Variants in ARHGAP32 observed in about 807,000 individuals in gnomAD.
ARHGAP32 encodes Rho GTPase activating protein 32.
Under a neutral mutation model 186.5 loss-of-function variants are expected in ARHGAP32, and 51 were observed. The ratio of observed to expected loss-of-function variants is 0.27; its 90% CI spans 0.22 to 0.35. ARHGAP32 has a LOEUF of 0.35. ARHGAP32 is among the 10% of genes least tolerant of loss of function. The pLI is 1.00. For missense variants in ARHGAP32, 2,186 were observed against 2,623.5 expected (o/e 0.83, Z 3.64); for synonymous variants, 950 against 964.3 (o/e 0.99, Z 0.27).
intron 18 of ARHGAP32, among the ~76,000 whole-genome samples, chr11:128,979,145 T>G (rs1326254902): frequency 6.6e-6 from 1 of 152,162 alleles, no homozygotes; most frequent in Non-Finnish European, 1.5e-5. Flanking sequence ...ACAAAGATCA[T>G]TTTTATATAT....
At position 129,078,797 on chromosome 11, in the gene ARHGAP32, G is replaced by C. The variant is rs923659337; in HGVS notation, c.532-11929C>G. ...CGTGAGCCACCGTACCCGGCCAGAAGGTTGATTACTAAGCTTCTTAAGGAG... is the reference window on the plus strand; with the variant it reads ...CGTGAGCCACCGTACCCGGCCAGAACGTTGATTACTAAGCTTCTTAAGGAG... On this transcript the variant is annotated intron_variant, in intron 6 of 22. Coordinates refer to ENST00000682385, the MANE Select transcript of ARHGAP32 (RefSeq NM_001378024.1). Among the ~76,000 whole-genome samples the C allele has an allele frequency of 4.7e-4, 71 of 152,062 alleles. 1 individual carries two copies. Among genetic ancestry groups the C allele is most frequent in the Non-Finnish European group, 1.5e-5 (1 of 68,002 alleles).
chr11:129,245,041 C>T lies in ARHGAP32; in HGVS notation c.-5+34105G>A, dbSNP rs1381156062. On this transcript the variant is annotated intron_variant, in intron 1 of 6. Transcript: ENST00000525234. ...TCAACCATTGTGGAAGTCAGTGTGG[C>T]GATTCCTCAGGGATCTAGAACTGGA... Among the ~76,000 whole-genome samples, 16 of 151,858 alleles carry T rather than the reference C, an allele frequency of 1.1e-4. No individual in the cohort carries two copies. In the South Asian group the frequency reaches 1.2e-3, roughly 12 times the overall value.
At chr11:129,276,983 C>T (rs1328850821) in intron 1 of ARHGAP32, among the ~76,000 whole-genome samples, 1 of 152,260 alleles carries the variant, frequency 6.6e-6, no homozygotes, top group African/African-American at 2.4e-5. Flanking sequence ...GGGTTAAATC[C>T]GAAAAATTCT....
chr11:129,099,711 T>C (rs1359822421), intron 5 of ARHGAP32, among the ~76,000 whole-genome samples: 1 of 151,424 alleles, frequency 6.6e-6, no homozygotes, highest in Non-Finnish European at 1.5e-5. Flanking sequence ...TAGTATATGA[T>C]AATAGAAGGT....
chr11:129,184,612 A>C (rs891237791), intron 1 of ARHGAP32, among the ~76,000 whole-genome samples: 2 of 152,040 alleles, frequency 1.3e-5, no homozygotes, highest in African/African-American at 4.8e-5. Flanking sequence ...AGGGGACTTA[A>C]TAGAGGCAAA....
At chr11:129,070,040 A>C (rs770987031) in intron 6 of ARHGAP32, among the ~76,000 whole-genome samples, 3 of 152,048 alleles carry the variant, frequency 2.0e-5, no homozygotes, top group Non-Finnish European at 2.9e-5. Flanking sequence ...CTAGAGCTAC[A>C]TAAGTGTGAA....
intron 1 of ARHGAP32, among the ~76,000 whole-genome samples, chr11:129,276,345 G>C (rs1282080722): frequency 6.6e-6 from 1 of 152,136 alleles, no homozygotes; most frequent in Non-Finnish European, 1.5e-5. Context: ...CTGTTGACCA[G>C]GCTCAAGGGC....
At chr11:129,177,892 C>A (rs180685820) in intron 1 of ARHGAP32, among the ~76,000 whole-genome samples, 140 of 152,286 alleles carry the variant, frequency 9.2e-4, no homozygotes, top group Middle Eastern at 3.4e-3. Context: ...CAGGGATGCC[C>A]TCTCTCACCA....
chr11:129,155,592 A>T (rs1943383720), intron 2 of ARHGAP32, among the ~76,000 whole-genome samples: 1 of 152,184 alleles, frequency 6.6e-6, no homozygotes, highest in Non-Finnish European at 1.5e-5. Context: ...ACAAGATTGC[A>T]ACCTAAGTAC....
In ARHGAP32 at chr11:128,973,179, C is replaced by T; in HGVS notation, c.3327G>A (p.Lys1109=). The change falls in exon 22 of 23, where the codon AAG becomes AAA. Residue 1109 remains lysine (K), a synonymous_variant. Coordinates refer to ENST00000682385, the MANE Select transcript of ARHGAP32 (RefSeq NM_001378024.1). ...SSSYSAVALD[K]AYFQTDRPAE... is the part of the protein sequence containing the mutation. ...CTGGTCGATCGGTTTGGAAATAGGC[C>T]TTATCTAGAGCAACTGCAGAGTAAG... 6.2e-7 allele frequency: 1 copy of T among 1,614,114 alleles called. No homozygotes were observed. The highest frequency in any genetic ancestry group is 8.5e-7 in the Non-Finnish European group (1 of 1,180,028).
chr11:129,114,914 A>C (rs1467226356), intron 5 of ARHGAP32, among the ~76,000 whole-genome samples: 1 of 152,148 alleles, frequency 6.6e-6, no homozygotes, highest in Non-Finnish European at 1.5e-5. Flanking sequence ...TTCTTTCTCC[A>C]TATGGAGAAT....
At chr11:129,070,221 G>C (rs1429379379) in intron 6 of ARHGAP32, among the ~76,000 whole-genome samples, 1 of 152,024 alleles carries the variant, frequency 6.6e-6, no homozygotes, top group African/African-American at 2.4e-5. Context: ...AACTGGGGTT[G>C]TCAGAAGAGT....
At chr11:129,070,687 T>C (rs990358863) in intron 6 of ARHGAP32, among the ~76,000 whole-genome samples, 2 of 152,066 alleles carry the variant, frequency 1.3e-5, no homozygotes, top group African/African-American at 4.8e-5. Context: ...ATAGCTTTTC[T>C]GTGAGTCTAA....
At chr11:129,138,538 C>A (rs1211894639) in intron 2 of ARHGAP32, among the ~76,000 whole-genome samples, 1 of 152,014 alleles carries the variant, frequency 6.6e-6, no homozygotes, top group Non-Finnish European at 1.5e-5. Context: ...CTGTACAGAC[C>A]CTTTAAAGAA....
At chr11:129,227,680 G>T (rs1277393573) in intron 1 of ARHGAP32, among the ~76,000 whole-genome samples, 1 of 152,040 alleles carries the variant, frequency 6.6e-6, no homozygotes, top group East Asian at 1.9e-4. Flanking sequence ...AGAGACAAGG[G>T]ATACTTTAGA....
intron 1 of ARHGAP32, among the ~76,000 whole-genome samples, chr11:129,241,978 T>C (rs1565478119): frequency 6.6e-6 from 1 of 152,212 alleles, no homozygotes; most frequent in Non-Finnish European, 1.5e-5. Context: ...AAAAACATTG[T>C]TTCTATAGAG....
intron 6 of ARHGAP32, among the ~76,000 whole-genome samples, chr11:129,086,820 CAAAAA>C (rs150471534): frequency 6.4e-5 from 5 of 78,036 alleles, no homozygotes; most frequent in Non-Finnish European, 5.1e-5. Flanking sequence ...GACTCCATCT[CAAAAA>C]AAAAAAAAAA....
intron 6 of ARHGAP32, among the ~76,000 whole-genome samples, chr11:129,081,239 G>A (rs1275293828): frequency 6.6e-6 from 1 of 151,860 alleles, no homozygotes; most frequent in African/African-American, 2.4e-5. Context: ...AGAGAAAGAG[G>A]GAATCTTCCC....
rs369790310 is a variant in ARHGAP32 at position 128,985,831 on chromosome 11, CGTGTGT to C, written c.1526+166_1526+171del. 3.0e-3 allele frequency: 352 copies of C among 115,576 alleles called. 4 individuals carry two copies. Among genetic ancestry groups the C allele is most frequent in the African/African-American group, 8.1e-3 (219 of 27,016 alleles). 7.2% of individuals were successfully genotyped at this position (115,576 alleles called of 1,614,324 possible). A position where few individuals can be genotyped will look rare whatever the true frequency, so the allele number is the denominator to read the frequency against. On this transcript the variant is annotated intron_variant, in intron 15 of 22. Transcript: ENST00000682385. ...CATACATATAGTGTGTGTGTGTGTG[CGTGTGT>C]GTGTGTGTGTGTGTGTGTGTGTATA...
Sources: gnomAD v4.1 joint callset for allele counts (sites outside exome capture counted in the v4.1 genomes callset) on GRCh38, gnomAD v4.1.1 for gene constraint, MANE v1.5 for transcripts, NCBI Gene and HGNC (gene_info 2026-07-23, HGNC 2026-07-21) for gene names.